CNDP1: variants seen among roughly 807,000 people sequenced by gnomAD.
CNDP1 encodes beta-Ala-His dipeptidase.
In CNDP1, 44 loss-of-function variants were observed where a neutral mutation model predicts 58.1. That is an observed-to-expected ratio of 0.76 (90% CI 0.60 to 0.97). CNDP1 has a LOEUF of 0.97. CNDP1 is among the 50% of genes least tolerant of loss of function. The pLI is 0.00. For synonymous variants in CNDP1, 254 were observed against 252.6 expected, an observed-to-expected ratio of 1.01 and a Z score of -0.05; for missense variants, 616 against 655.1, an observed-to-expected ratio of 0.94 and a Z score of 0.65.
intron 8 of CNDP1, 34 bp downstream of exon 8, chr18:74,577,063 G>C: frequency 6.3e-7 from 1 of 1,580,072 alleles, no homozygotes. Context: ...AGCTGGAAGA[G>C]GCATGAGGCT....
chr18:74,581,448 C>T (rs1463340596), intron 10 of CNDP1, among the ~76,000 whole-genome samples: 1 of 152,102 alleles, frequency 6.6e-6, no homozygotes, highest in East Asian at 1.9e-4. Context: ...GAGGACACAG[C>T]CCCCAGGCAG....
At chr18:74,578,474 C>T (rs1350001266) in intron 9 of CNDP1, 147 bp downstream of exon 9, 2 of 801,626 alleles carry the variant, frequency 2.5e-6, no homozygotes, top group Non-Finnish European at 4.0e-6. Flanking sequence ...GTCAAGAAAC[C>T]AATATTGCCC....
At chr18:74,534,772 A>T in intron 1 of CNDP1, 81 bp downstream of exon 1, 1 of 1,556,316 alleles carries the variant, frequency 6.4e-7, no homozygotes, top group Non-Finnish European at 8.9e-7. Flanking sequence ...CGTTAAGCCC[A>T]GTTGGGCAGG....
chr18:74,549,527 G>GA (rs1980847044), intron 1 of CNDP1, among the ~76,000 whole-genome samples: 1 of 151,870 alleles, frequency 6.6e-6, no homozygotes, highest in African/African-American at 2.4e-5. Flanking sequence ...TTCTAAATGG[G>GA]AAAAAGATTA....
intron 7 of CNDP1, among the ~76,000 whole-genome samples, chr18:74,574,600 G>T: frequency 6.6e-6 from 1 of 152,332 alleles, no homozygotes; most frequent in East Asian, 1.9e-4. Flanking sequence ...TCCCAAGAAG[G>T]CTGTGGTAAC....
intron 2 of CNDP1, 36 bp from the exon 3 acceptor site, chr18:74,559,286 AC>A: frequency 6.2e-7 from 1 of 1,612,092 alleles, no homozygotes. Context: ...CAGATGTGGG[AC>A]CCCAATGCTA....
rs1406482825 is a variant in CNDP1, at chr18:74,578,347, A to G, written c.1167+20A>G. Reference sequence around the variant, plus strand: ...AAACAGGTAACAAATGCTTATTGTGACAATAACATGTTTCAGTAACATGGT... The same window carrying G: ...AAACAGGTAACAAATGCTTATTGTGGCAATAACATGTTTCAGTAACATGGT... On this transcript the variant is annotated intron_variant, in intron 9 of 11. Coordinates refer to ENST00000358821, the MANE Select transcript of CNDP1 (RefSeq NM_032649.6). The G allele has an allele frequency of 1.3e-6, 2 of 1,588,330 alleles. No individual in the cohort carries two copies. Among genetic ancestry groups the G allele is most frequent in the East Asian group, 2.2e-5 (1 of 44,492 alleles).
intron 10 of CNDP1, among the ~76,000 whole-genome samples, chr18:74,582,816 G>C (rs1191318858): frequency 6.6e-6 from 1 of 152,212 alleles, no homozygotes; most frequent in East Asian, 1.9e-4. Flanking sequence ...AAAGTCTGGA[G>C]TGTAGTTAAC....
intron 1 of CNDP1, among the ~76,000 whole-genome samples, chr18:74,555,825 C>A (rs1005447133): frequency 6.6e-6 from 1 of 152,126 alleles, no homozygotes; most frequent in Non-Finnish European, 1.5e-5. Flanking sequence ...CCACCTCAGA[C>A]GTTTTTCTTC....
chr18:74,575,531 T>C (rs1981609182), intron 7 of CNDP1, among the ~76,000 whole-genome samples: 2 of 152,206 alleles, frequency 1.3e-5, no homozygotes, highest in Non-Finnish European at 2.9e-5. Context: ...TGGGCGGTAT[T>C]TACTAAATCT....
At chr18:74,555,581 G>A (rs1039963037) in intron 1 of CNDP1, among the ~76,000 whole-genome samples, 4 of 152,204 alleles carry the variant, frequency 2.6e-5, no homozygotes, top group Non-Finnish European at 4.4e-5. Flanking sequence ...GGGTCAAGGA[G>A]GAATGCTGGC....
At chr18:74,575,996 A>C (rs1194875977) in intron 7 of CNDP1, 2 of 148,278 alleles carry the variant, frequency 1.3e-5, no homozygotes, top group Non-Finnish European at 3.0e-5. Flanking sequence ...CAGCCTCCCC[A>C]GTAGCTGGGA....
Position 74,551,387 on chromosome 18 carries a change from CACACACAA to C in CNDP1, c.25-4947_25-4940del, listed in dbSNP as rs749241218. On this transcript the variant is annotated intron_variant, in intron 1 of 11. Transcript: ENST00000358821. ...ACACACACACACACACACACACACA[CACACACAA>C]ACAAAAACAGAGGCATGGAGGAACA... Among the ~76,000 whole-genome samples the C allele has an allele frequency of 1.3e-4, 17 of 131,332 alleles. 1 individual carries two copies. The highest frequency in any genetic ancestry group is 1.5e-4 in the African/African-American group (6 of 39,086). The allele number at this position is 131,332 out of a possible 152,430, so 86.2% of individuals were successfully genotyped here.
chr18:74,573,063 A>G (rs912418742), intron 7 of CNDP1, among the ~76,000 whole-genome samples: 25 of 152,100 alleles, frequency 1.6e-4, no homozygotes, highest in Non-Finnish European at 2.8e-4. Flanking sequence ...TATTTCTACC[A>G]TCTATCTAGC....
At chr18:74,556,770 G>A (rs533540706) in intron 2 of CNDP1, among the ~76,000 whole-genome samples, 38 of 152,244 alleles carry the variant, frequency 2.5e-4, no homozygotes, top group East Asian at 1.4e-3. Flanking sequence ...CCATCAGGTC[G>A]CCCATTCCTA....
chr18:74,574,799 C>T (rs1169320411), intron 7 of CNDP1: 1 of 152,200 alleles, frequency 6.6e-6, no homozygotes, highest in Non-Finnish European at 1.5e-5. Flanking sequence ...CTCCCCTTTC[C>T]CTGTGATGGC....
At chr18:74,573,424 C>G (rs1336648488) in intron 7 of CNDP1, among the ~76,000 whole-genome samples, 1 of 137,788 alleles carries the variant, frequency 7.3e-6, no homozygotes, top group African/African-American at 3.0e-5. Flanking sequence ...ATCTATCCAT[C>G]CATCCAACTA....
intron 7 of CNDP1, among the ~76,000 whole-genome samples, chr18:74,572,790 CA>C (rs56059264): frequency 0.34 from 20,622 of 60,310 alleles, 1,765 homozygotes; most frequent in East Asian, 0.44. Flanking sequence ...GACCCTGTAT[CA>C]AAAAAAAAAA....
At chr18:74,550,558 C>T (rs1004667925) in intron 1 of CNDP1, among the ~76,000 whole-genome samples, 2 of 150,576 alleles carry the variant, frequency 1.3e-5, no homozygotes, top group Non-Finnish European at 3.0e-5. Flanking sequence ...GGCTGGGGGA[C>T]TATTGGAAAG....
Sources: allele counts gnomAD v4.1 joint callset (sites outside exome capture counted in the v4.1 genomes callset), GRCh38; gene constraint gnomAD v4.1.1; transcripts MANE v1.5; gene names NCBI Gene and HGNC (gene_info 2026-07-23, HGNC 2026-07-21).